MACROD2: variants seen among roughly 807,000 people sequenced by gnomAD.
The protein encoded by MACROD2 is ADP-ribose glycohydrolase MACROD2.
A neutral mutation model predicts 70.4 loss-of-function variants in MACROD2; 36 were observed. The ratio of observed to expected loss-of-function variants is 0.51; its 90% confidence interval spans 0.39 to 0.68. MACROD2 has a LOEUF of 0.68. Among genes scored for constraint, MACROD2 ranks in the 30% least tolerant of loss-of-function variants. The probability of loss-of-function intolerance (pLI) is 0.00; values close to 1 mark genes in which losing one functional copy is unlikely to be tolerated. For synonymous variants in MACROD2, 172 were observed against 178.8 expected, an observed-to-expected ratio of 0.96 and a Z score of 0.30; for missense variants, 496 against 538.4, an observed-to-expected ratio of 0.92 and a Z score of 0.78.
chr20:14,776,191 T>C (rs1945741138), intron 5 of MACROD2, among the ~76,000 whole-genome samples: 7 of 151,898 alleles, frequency 4.6e-5, no homozygotes, highest in Admixed American at 4.6e-4. Context: ...TCATACAGCA[T>C]AGGGAGGGAT....
chr20:14,774,580 A>G (rs1377602803), intron 5 of MACROD2, among the ~76,000 whole-genome samples: 3 of 152,114 alleles, frequency 2.0e-5, no homozygotes, highest in African/African-American at 7.2e-5. Context: ...CACATAAAAT[A>G]TAAAGGAAGA....
intron 5 of MACROD2, among the ~76,000 whole-genome samples, chr20:14,872,403 A>G (rs1600751812): frequency 6.6e-6 from 1 of 152,178 alleles, no homozygotes; most frequent in South Asian, 2.1e-4. Context: ...AAAATTAGCT[A>G]CGTGCTCAGG....
At chr20:14,566,130 GT>G (rs1280699298) in intron 4 of MACROD2, among the ~76,000 whole-genome samples, 24 of 151,926 alleles carry the variant, frequency 1.6e-4, no homozygotes, top group African/African-American at 5.8e-4. Flanking sequence ...ATAAATATAG[GT>G]TTATTTTCCA....
intron 4 of MACROD2, among the ~76,000 whole-genome samples, chr20:14,609,241 A>G (rs1983007621): frequency 1.3e-5 from 2 of 152,046 alleles, no homozygotes; most frequent in Non-Finnish European, 2.9e-5. Context: ...GAGCGTCATA[A>G]CATTAGAAAC....
At chr20:15,215,249 ATT>A (rs1491100517) in intron 5 of MACROD2, among the ~76,000 whole-genome samples, 1 of 115,046 alleles carries the variant, frequency 8.7e-6, no homozygotes. Flanking sequence ...TTTCTCCTGT[ATT>A]TTGTGTGTGT....
At chr20:15,778,121 A>G (rs2051764767) in intron 8 of MACROD2, among the ~76,000 whole-genome samples, 1 of 152,192 alleles carries the variant, frequency 6.6e-6, no homozygotes, top group African/African-American at 2.4e-5. Context: ...TGTTAGAGAA[A>G]AGGATAAAAA....
intron 6 of MACROD2, among the ~76,000 whole-genome samples, chr20:15,427,643 T>C (rs6034185): frequency 0.46 from 69,309 of 152,006 alleles, 16,029 homozygotes; most frequent in African/African-American, 0.52. Flanking sequence ...ACTCTGAAGC[T>C]GGAAGGACCC....
intron 5 of MACROD2, among the ~76,000 whole-genome samples, chr20:14,818,720 A>T (rs1324584381): frequency 6.6e-6 from 1 of 151,586 alleles, no homozygotes; most frequent in East Asian, 1.9e-4. Flanking sequence ...ATATGTACTT[A>T]TTAATCTAGA....
At chr20:14,831,254 A>G (rs1292524696) in intron 5 of MACROD2, among the ~76,000 whole-genome samples, 2 of 152,100 alleles carry the variant, frequency 1.3e-5, no homozygotes, top group Admixed American at 1.3e-4. Context: ...GCTGACACAC[A>G]TATATCTGCA....
At chr20:15,997,764 T>C (rs2066652483) in intron 15 of MACROD2, among the ~76,000 whole-genome samples, 2 of 152,208 alleles carry the variant, frequency 1.3e-5, no homozygotes, top group Admixed American at 1.3e-4. Flanking sequence ...CTTTGTCTTG[T>C]TCTTGACCTT....
chr20:15,012,438 C>A (rs1354104587), intron 5 of MACROD2, among the ~76,000 whole-genome samples: 5 of 152,144 alleles, frequency 3.3e-5, no homozygotes, highest in African/African-American at 1.2e-4. Flanking sequence ...AAAAGAAACA[C>A]CTCTGACATA....
intron 3 of MACROD2, among the ~76,000 whole-genome samples, chr20:14,192,619 G>A (rs2081397747): frequency 6.6e-6 from 1 of 152,120 alleles, no homozygotes; most frequent in South Asian, 2.1e-4. Flanking sequence ...ATGTGTAGCT[G>A]GGGTCTGAGG....
chr20:15,224,769 G>A (rs1012892990), intron 5 of MACROD2, among the ~76,000 whole-genome samples: 1 of 151,922 alleles, frequency 6.6e-6, no homozygotes, highest in Admixed American at 6.6e-5. Flanking sequence ...AGACCAGCCT[G>A]GCCAACATGG....
chr20:14,213,560 T>C (rs2081589332), intron 3 of MACROD2, among the ~76,000 whole-genome samples: 1 of 151,654 alleles, frequency 6.6e-6, no homozygotes. Context: ...TTGAACCAAA[T>C]AGTTCTGTGA....
At chr20:15,005,211 A>G (rs974870560) in intron 5 of MACROD2, among the ~76,000 whole-genome samples, 1 of 152,228 alleles carries the variant, frequency 6.6e-6, no homozygotes, top group African/African-American at 2.4e-5. Context: ...TATGACAGGT[A>G]TTATTGACAG....
chr20:15,489,434 A>G (rs1304766318), intron 7 of MACROD2, among the ~76,000 whole-genome samples: 1 of 152,212 alleles, frequency 6.6e-6, no homozygotes, highest in African/African-American at 2.4e-5. Flanking sequence ...TACACGCTCC[A>G]GTCATGTCCA....
At chr20:15,596,382 A>G (rs1232801087) in intron 8 of MACROD2, among the ~76,000 whole-genome samples, 1 of 152,218 alleles carries the variant, frequency 6.6e-6, no homozygotes, top group Middle Eastern at 3.2e-3. Context: ...GGAATGAAGT[A>G]CATCATTCCA....
chr20:14,854,610 CA>C (rs1019125931), intron 5 of MACROD2, among the ~76,000 whole-genome samples: 1 of 152,028 alleles, frequency 6.6e-6, no homozygotes, highest in African/African-American at 2.4e-5. Context: ...CATTAAAAAA[CA>C]AAAACAAAAT....
At chr20:15,936,277 T>C (rs1601167416) in intron 11 of MACROD2, among the ~76,000 whole-genome samples, 1 of 149,002 alleles carries the variant, frequency 6.7e-6, no homozygotes, top group East Asian at 2.0e-4. Context: ...TGTATATATA[T>C]ACACACATAT....
Sources: gnomAD v4.1 joint callset for allele counts (sites outside exome capture counted in the v4.1 genomes callset) on GRCh38, gnomAD v4.1.1 for gene constraint, MANE v1.5 for transcripts, NCBI Gene and HGNC (gene_info 2026-07-23, HGNC 2026-07-21) for gene names.